The following ITPRID1 variants were observed in gnomAD, a reference collection of about 807,000 sequenced individuals.
The protein encoded by ITPRID1 is protein ITPRID1.
Under a neutral mutation model 95.4 loss-of-function variants are expected in ITPRID1, and 96 were observed. The observed-to-expected ratio is 1.01, with a 90% confidence interval of 0.85 to 1.19. The LOEUF is 1.19. ITPRID1 is among the 50% of genes most tolerant of loss of function. The pLI is 0.00. For synonymous variants in ITPRID1, 510 were observed against 453.6 expected (o/e 1.12, Z -1.58); for missense variants, 1,339 against 1,252.9 (o/e 1.07, Z -1.04).
At chr7:31,514,745 G>C (rs1479774646) in intron 1 of ITPRID1, among the ~76,000 whole-genome samples, 1 of 152,088 alleles carries the variant, frequency 6.6e-6, no homozygotes, top group African/African-American at 2.4e-5. Context: ...TAATGAATAA[G>C]ATGTGTTAAA....
Position 31,655,971 on chromosome 7 carries a change from C to A in ITPRID1, c.*3142C>A, listed in dbSNP as rs747670281. The A allele has an allele frequency of 7.2e-5, 71 of 985,436 alleles. No homozygotes were observed. Among genetic ancestry groups the A allele is most frequent in the Non-Finnish European group, 8.6e-5 (71 of 829,924 alleles). The allele number at this position is 985,436 out of a possible 1,614,324, so 61.0% of individuals were successfully genotyped here. A position where few individuals can be genotyped will look rare whatever the true frequency, so the allele number is the denominator to read the frequency against. On this transcript the variant is annotated 3_prime_UTR_variant, in exon 15 of 15. Transcript: ENST00000615280. ...CCTCAGATGAATCTCCAATTCTATT[C>A]CCCTAAACCACCTCCTGTGTTCCTG...
At chr7:31,620,225 T>A (rs6943718) in intron 10 of ITPRID1, among the ~76,000 whole-genome samples, 1 of 151,482 alleles carries the variant, frequency 6.6e-6, no homozygotes, top group African/African-American at 2.4e-5. Context: ...CAGACTTAAA[T>A]GTCCCTGTCT....
chr7:31,555,039 A>G (rs765173340), intron 5 of ITPRID1, 138 bp downstream of exon 5: 5 of 668,142 alleles, frequency 7.5e-6, no homozygotes, highest in Non-Finnish European at 1.3e-5. Context: ...ATCCAGCTCA[A>G]TCTCTTCATT....
chr7:31,651,751 A>G (rs1278664799), intron 13 of ITPRID1, among the ~76,000 whole-genome samples, 188 bp from the exon 14 acceptor site: 1 of 148,134 alleles, frequency 6.8e-6, no homozygotes, highest in Non-Finnish European at 1.5e-5. Flanking sequence ...GAACTATATT[A>G]TACTGCAATA....
At chr7:31,603,112 C>T (rs1032246114) in intron 10 of ITPRID1, among the ~76,000 whole-genome samples, 2 of 152,094 alleles carry the variant, frequency 1.3e-5, no homozygotes, top group African/African-American at 4.8e-5. Flanking sequence ...ATCCCTAGAG[C>T]TTGAATGCCA....
At chr7:31,588,350 G>T (rs1267527536) in intron 10 of ITPRID1, among the ~76,000 whole-genome samples, 1 of 152,036 alleles carries the variant, frequency 6.6e-6, no homozygotes, top group African/African-American at 2.4e-5. Flanking sequence ...AGCAGTCTTG[G>T]CCAGGTGCAG....
intron 10 of ITPRID1, among the ~76,000 whole-genome samples, chr7:31,587,311 G>A (rs1324752104): frequency 5.9e-5 from 9 of 152,082 alleles, no homozygotes; most frequent in Non-Finnish European, 1.3e-4. Context: ...CAAAATCAGT[G>A]TACAAAAATC....
intron 1 of ITPRID1, among the ~76,000 whole-genome samples, chr7:31,535,512 A>G (rs1783730734): frequency 6.6e-6 from 1 of 152,002 alleles, no homozygotes; most frequent in Non-Finnish European, 1.5e-5. Flanking sequence ...GTGTGTGGGT[A>G]TATTCCTAAA....
At chr7:31,548,620 G>A (rs1433096554) in intron 1 of ITPRID1, among the ~76,000 whole-genome samples, 2 of 152,078 alleles carry the variant, frequency 1.3e-5, no homozygotes, top group Admixed American at 6.6e-5. Flanking sequence ...AAGGGTGGAA[G>A]ATTGGGCCAG....
chr7:31,597,612 AT>A (rs1786143747), intron 10 of ITPRID1, among the ~76,000 whole-genome samples: 1 of 152,108 alleles, frequency 6.6e-6, no homozygotes, highest in South Asian at 2.1e-4. Flanking sequence ...GATTATAAAT[AT>A]TACTATGTCT....
intron 1 of ITPRID1, among the ~76,000 whole-genome samples, chr7:31,524,294 T>C (rs1052909604): frequency 4.6e-5 from 7 of 152,200 alleles, no homozygotes; most frequent in African/African-American, 1.7e-4. Context: ...GATTATCAGA[T>C]ATTTACTGAG....
rs556807411 is a variant in ITPRID1 at position 31,624,821 on chromosome 7, C to T, written c.1229-17355C>T. Among the ~76,000 whole-genome samples the T allele has an allele frequency of 2.6e-5, 4 of 152,252 alleles. No homozygotes were observed. In the South Asian group the frequency reaches 6.2e-4, roughly 24 times the overall value. On this transcript the variant is annotated intron_variant, in intron 10 of 14. Coordinates refer to ENST00000615280, the MANE Select transcript of ITPRID1 (RefSeq NM_001257967.3). Reference sequence around the variant, plus strand: ...TCTGCACAGCAAAAGAAACTACCATCAGAGTGAACAGGCAACCCACAAAAT... The same window carrying T: ...TCTGCACAGCAAAAGAAACTACCATTAGAGTGAACAGGCAACCCACAAAAT...
chr7:31,584,464 C>T (rs1230681596), intron 10 of ITPRID1, among the ~76,000 whole-genome samples: 3 of 152,146 alleles, frequency 2.0e-5, no homozygotes, highest in African/African-American at 7.2e-5. Context: ...GGTCCCCTTG[C>T]CAATAGGAAT....
intron 10 of ITPRID1, among the ~76,000 whole-genome samples, chr7:31,611,617 C>T (rs1262406687): frequency 6.6e-6 from 1 of 151,454 alleles, no homozygotes; most frequent in Non-Finnish European, 1.5e-5. Flanking sequence ...ATTCTATATT[C>T]AGTTTTGCTG....
intron 10 of ITPRID1, among the ~76,000 whole-genome samples, chr7:31,595,185 C>CAT (rs1300007082): frequency 4.0e-5 from 6 of 149,984 alleles, no homozygotes; most frequent in African/African-American, 1.5e-4. Flanking sequence ...GCTGGGATTA[C>CAT]AGGCATGAGC....
chr7:31,648,314 C>A (rs1237353528), intron 12 of ITPRID1, among the ~76,000 whole-genome samples: 1 of 151,522 alleles, frequency 6.6e-6, no homozygotes, highest in Non-Finnish European at 1.5e-5. Context: ...TATAATCAAG[C>A]CTTTATATTG....
chr7:31,546,091 A>G (rs534098956), intron 1 of ITPRID1, among the ~76,000 whole-genome samples: 1 of 152,284 alleles, frequency 6.6e-6, no homozygotes, highest in South Asian at 2.1e-4. Context: ...TAATAAACTT[A>G]TGGAATTATC....
At chr7:31,651,765 TTG>T (rs762520863) in intron 13 of ITPRID1, among the ~76,000 whole-genome samples, 172 bp from the exon 14 acceptor site, 12 of 133,312 alleles carry the variant, frequency 9.0e-5, no homozygotes, top group East Asian at 2.9e-4. Flanking sequence ...TGCAATAAAG[TTG>T]TTTTTTTTTT....
intron 1 of ITPRID1, among the ~76,000 whole-genome samples, chr7:31,539,807 G>A (rs1783873973): frequency 6.6e-6 from 1 of 152,136 alleles, no homozygotes; most frequent in South Asian, 2.1e-4. Context: ...GAAGTTTATT[G>A]AAGCACTGGA....
Sources: gnomAD v4.1 joint callset for allele counts (sites outside exome capture counted in the v4.1 genomes callset) on GRCh38, gnomAD v4.1.1 for gene constraint, MANE v1.5 for transcripts, NCBI Gene and HGNC (gene_info 2026-07-23, HGNC 2026-07-21) for gene names.